Variants in SOX5 observed in about 807,000 individuals in gnomAD.
SOX5 encodes transcription factor SOX-5.
Under a neutral mutation model 92.0 loss-of-function variants are expected in SOX5, and 9 were observed. The ratio of observed to expected loss-of-function variants is 0.10; its 90% CI spans 0.06 to 0.17. SOX5 has a LOEUF of 0.17. SOX5 is among the 10% of genes least tolerant of loss of function. SOX5 has a pLI of 1.00. For missense variants in SOX5, 642 were observed against 944.5 expected (o/e 0.68, Z 4.20); for synonymous variants, 344 against 336.3 (o/e 1.02, Z -0.25).
At chr12:23,592,782 T>C (rs1188406223) in intron 9 of SOX5, among the ~76,000 whole-genome samples, 1 of 152,148 alleles carries the variant, frequency 6.6e-6, no homozygotes, top group Non-Finnish European at 1.5e-5. Flanking sequence ...AAATAAGAGA[T>C]ATAAAATTAC....
chr12:24,146,704 A>C (rs1951120602), intron 4 of SOX5, among the ~76,000 whole-genome samples: 1 of 151,744 alleles, frequency 6.6e-6, no homozygotes, highest in Non-Finnish European at 1.5e-5. Flanking sequence ...AGATTAATAA[A>C]ATTGATGAAT....
At chr12:23,748,985 AACTGAAAATAACATG>A (rs1330872393) in intron 4 of SOX5, among the ~76,000 whole-genome samples, 1 of 151,940 alleles carries the variant, frequency 6.6e-6, no homozygotes, top group African/African-American at 2.4e-5. Flanking sequence ...TTGTTGAATA[AACTGAAAATAACATG>A]AATAAAAACT....
intron 4 of SOX5, among the ~76,000 whole-genome samples, chr12:24,129,019 T>G (rs78069524): frequency 0.012 from 1,792 of 152,242 alleles, 19 homozygotes; most frequent in South Asian, 0.037. Context: ...TTAAACGCAA[T>G]TATGCACATT....
intron 3 of SOX5, among the ~76,000 whole-genome samples, chr12:23,842,816 T>A (rs150414700): frequency 2.0e-5 from 3 of 152,082 alleles, no homozygotes; most frequent in African/African-American, 7.2e-5. Flanking sequence ...TGTAGAAAAA[T>A]GCAAATATTA....
intron 4 of SOX5, among the ~76,000 whole-genome samples, chr12:24,104,740 A>AT (rs1023682663): frequency 2.6e-5 from 4 of 152,182 alleles, no homozygotes; most frequent in Non-Finnish European, 5.9e-5. Flanking sequence ...GCCAAAGGGC[A>AT]TTTTTGCAGA....
chr12:24,510,386 C>T (rs1258589486), intron 1 of SOX5, among the ~76,000 whole-genome samples: 2 of 152,180 alleles, frequency 1.3e-5, no homozygotes, highest in South Asian at 2.1e-4. Flanking sequence ...GGTCTGTTTC[C>T]CTATAACACA....
At chr12:23,907,886 C>T (rs1487516474) in intron 1 of SOX5, among the ~76,000 whole-genome samples, 16 of 152,104 alleles carry the variant, frequency 1.1e-4, no homozygotes, top group Admixed American at 1.0e-3. Context: ...ACTGCAATCG[C>T]AGAACTGCAA....
At chr12:24,369,048 T>C (rs1213083411) in intron 1 of SOX5, among the ~76,000 whole-genome samples, 1 of 152,154 alleles carries the variant, frequency 6.6e-6, no homozygotes, top group African/African-American at 2.4e-5. Context: ...AGGGTAACTG[T>C]AGTGTCTTTC....
chr12:23,697,094 A>T (rs2089985064), intron 6 of SOX5, among the ~76,000 whole-genome samples: 1 of 152,224 alleles, frequency 6.6e-6, no homozygotes, highest in South Asian at 2.1e-4. Flanking sequence ...AAATAAGGTC[A>T]GAGTAATGAA....
intron 4 of SOX5, among the ~76,000 whole-genome samples, chr12:24,173,736 A>G (rs993038742): frequency 1.3e-5 from 2 of 152,178 alleles, no homozygotes; most frequent in African/African-American, 2.4e-5. Context: ...ACCAAACCTA[A>G]TAAATTAGAA....
intron 1 of SOX5, among the ~76,000 whole-genome samples, chr12:23,938,407 T>C (rs547870386): frequency 1.5e-4 from 23 of 151,134 alleles, no homozygotes; most frequent in Middle Eastern, 3.4e-3. Context: ...GTACACATAA[T>C]TGTGTCAAGT....
chr12:23,635,141 A>AT (rs2079057253), intron 8 of SOX5, among the ~76,000 whole-genome samples: 1 of 151,866 alleles, frequency 6.6e-6, no homozygotes, highest in Non-Finnish European at 1.5e-5. Flanking sequence ...CTTAAGACCA[A>AT]TGAAGTCTTC....
At chr12:23,873,889 T>G (rs745918930) in intron 2 of SOX5, among the ~76,000 whole-genome samples, 1 of 152,168 alleles carries the variant, frequency 6.6e-6, no homozygotes, top group Non-Finnish European at 1.5e-5. Flanking sequence ...TCTTTTCAGA[T>G]AAAAAATTTT....
chr12:23,799,225 T>C (rs2095619374), intron 3 of SOX5, among the ~76,000 whole-genome samples: 1 of 152,034 alleles, frequency 6.6e-6, no homozygotes, highest in Non-Finnish European at 1.5e-5. Context: ...AACTTATTCT[T>C]GTTCATGGAT....
At chr12:23,586,009 A>G (rs968056446) in intron 9 of SOX5, among the ~76,000 whole-genome samples, 1 of 152,064 alleles carries the variant, frequency 6.6e-6, no homozygotes, top group African/African-American at 2.4e-5. Flanking sequence ...AAGCCCCTCT[A>G]TAAAATGGAC....
At chr12:24,339,220 G>T (rs1177885618) in intron 2 of SOX5, among the ~76,000 whole-genome samples, 1 of 147,498 alleles carries the variant, frequency 6.8e-6, no homozygotes, top group Non-Finnish European at 1.5e-5. Flanking sequence ...CTGAGAAAAA[G>T]TGCAGGATGC....
intron 3 of SOX5, among the ~76,000 whole-genome samples, chr12:23,800,606 A>G (rs1244344947): frequency 6.6e-6 from 1 of 152,102 alleles, no homozygotes; most frequent in Non-Finnish European, 1.5e-5. Context: ...CTACACCACT[A>G]AACTGTTAAT....
chr12:24,330,510 A>C (rs1951185692), intron 2 of SOX5, among the ~76,000 whole-genome samples: 1 of 152,206 alleles, frequency 6.6e-6, no homozygotes, highest in South Asian at 2.1e-4. Flanking sequence ...TTTGGGTCAA[A>C]TCCTGCCTGA....
At chr12:24,201,737 G>T (rs534945314) in intron 4 of SOX5, among the ~76,000 whole-genome samples, 17 of 152,210 alleles carry the variant, frequency 1.1e-4, no homozygotes, top group South Asian at 2.1e-4. Flanking sequence ...TCAAGCTTTG[G>T]GAGGTGTGAG....
Sources: gnomAD v4.1 joint callset for allele counts (sites outside exome capture counted in the v4.1 genomes callset) on GRCh38, gnomAD v4.1.1 for gene constraint, MANE v1.5 for transcripts, NCBI Gene and HGNC (gene_info 2026-07-23, HGNC 2026-07-21) for gene names.